ASTN1: variants seen among roughly 807,000 people sequenced by gnomAD.
ASTN1 encodes the protein astrotactin-1.
ASTN1 carries 41 observed loss-of-function variants against 140.7 expected under a neutral mutation model. The observed-to-expected ratio is 0.29, with a 90% CI of 0.23 to 0.38. ASTN1 has a LOEUF of 0.38. ASTN1 is among the 10% of genes least tolerant of loss of function. ASTN1 has a pLI of 1.00. For synonymous variants in ASTN1, 640 were observed against 652.2 expected (o/e 0.98, Z 0.29); for missense variants, 1,479 against 1,678.8 (o/e 0.88, Z 2.08).
At chr1:176,963,933 T>A (rs533322515) in intron 9 of ASTN1, among the ~76,000 whole-genome samples, 1 of 152,318 alleles carries the variant, frequency 6.6e-6, no homozygotes, top group East Asian at 1.9e-4. Context: ...GCCAACGCCA[T>A]TAGCTTCCCT....
downstream of ASTN1, chr1:176,861,047 C>G (rs1667943767): frequency 1.1e-6 from 1 of 941,924 alleles, no homozygotes; most frequent in Non-Finnish European, 1.3e-6. Context: ...TACTGAAAGA[C>G]ACAACATCCA....
intron 2 of ASTN1, among the ~76,000 whole-genome samples, chr1:177,038,964 CCAGTGGAATCCTTCTCAAAT>C (rs1366124256): frequency 6.6e-6 from 1 of 152,156 alleles, no homozygotes; most frequent in African/African-American, 2.4e-5. Flanking sequence ...CCCCCATGGA[CCAGTGGAATCCTTCTCAAAT>C]CAGTGTCACA....
intron 11 of ASTN1, among the ~76,000 whole-genome samples, chr1:176,953,408 T>C (rs1431723456): frequency 6.6e-6 from 1 of 152,260 alleles, no homozygotes; most frequent in Non-Finnish European, 1.5e-5. Flanking sequence ...AAATGGGTTC[T>C]CTTTTACTAA....
At chr1:177,112,154 T>G (rs1258239246) in intron 1 of ASTN1, among the ~76,000 whole-genome samples, 4 of 152,212 alleles carry the variant, frequency 2.6e-5, no homozygotes, top group African/African-American at 9.6e-5. Flanking sequence ...GCTTTTTCAG[T>G]GGAAACCAAC....
chr1:177,027,233 C>T (rs759065079), intron 5 of ASTN1, among the ~76,000 whole-genome samples: 5 of 152,100 alleles, frequency 3.3e-5, no homozygotes, highest in South Asian at 2.1e-4. Context: ...CCTCCAAGAA[C>T]AGATTCTCAC....
intron 8 of ASTN1, among the ~76,000 whole-genome samples, chr1:176,973,764 T>C (rs747213817): frequency 5.9e-5 from 9 of 152,210 alleles, no homozygotes; most frequent in African/African-American, 1.2e-4. Context: ...TGCCTGTCCA[T>C]GCCTATTATT....
chr1:177,081,241 A>C lies in ASTN1; in HGVS notation c.284-19976T>G, dbSNP rs1270278463. Among the ~76,000 whole-genome samples, 4 of 152,218 alleles carry C rather than the reference A, an allele frequency of 2.6e-5. No homozygotes were observed. In the East Asian group the frequency reaches 7.7e-4, roughly 29 times the overall value. ...TGCTTGACTTGATCACTGGTGGGCT[A>C]TGTGAACTTTCTTTTATTTGGTTAT... On this transcript the variant is annotated intron_variant, in intron 1 of 22. Coordinates refer to ENST00000361833, the MANE Select transcript of ASTN1 (RefSeq NM_004319.3).
At chr1:177,094,318 A>G (rs1558090674) in intron 1 of ASTN1, among the ~76,000 whole-genome samples, 1 of 152,226 alleles carries the variant, frequency 6.6e-6, no homozygotes, top group African/African-American at 2.4e-5. Flanking sequence ...CCTGACTCTT[A>G]AAAAGAAATA....
At chr1:177,156,390 A>G (rs1683238676) in intron 1 of ASTN1, among the ~76,000 whole-genome samples, 1 of 152,204 alleles carries the variant, frequency 6.6e-6, no homozygotes. Context: ...GACAGGAAGT[A>G]AAAAGGTGCT....
At chr1:176,984,620 TTTC>T in intron 8 of ASTN1, among the ~76,000 whole-genome samples, 1 of 152,298 alleles carries the variant, frequency 6.6e-6, no homozygotes, top group Admixed American at 6.5e-5. Context: ...AGTCCCCACA[TTTC>T]TTCTTCTAGG....
chr1:176,990,843 T>G (rs1674124619), intron 8 of ASTN1, among the ~76,000 whole-genome samples: 2 of 152,172 alleles, frequency 1.3e-5, no homozygotes, highest in African/African-American at 4.8e-5. Context: ...GCCTAAACGT[T>G]TCTTTCTTCT....
chr1:176,939,767 C>T (rs1307206696), intron 14 of ASTN1, among the ~76,000 whole-genome samples: 7 of 145,162 alleles, frequency 4.8e-5, no homozygotes, highest in African/African-American at 1.0e-4. Context: ...ACAGACTTTA[C>T]GGGCAATATT....
chr1:177,104,604 T>C (rs1014439359), intron 1 of ASTN1, among the ~76,000 whole-genome samples: 1 of 152,192 alleles, frequency 6.6e-6, no homozygotes, highest in African/African-American at 2.4e-5. Flanking sequence ...ATTTCAATAA[T>C]TAAAAAGTGT....
At chr1:176,981,615 C>T (rs1459401467) in intron 8 of ASTN1, 1 of 152,402 alleles carries the variant, frequency 6.6e-6, no homozygotes, top group Non-Finnish European at 1.5e-5. Flanking sequence ...ATGCCTGTAG[C>T]AATCAGAGCT....
intron 1 of ASTN1, among the ~76,000 whole-genome samples, chr1:177,107,986 G>T (rs1680632449): frequency 6.6e-6 from 1 of 152,078 alleles, no homozygotes; most frequent in African/African-American, 2.4e-5. Flanking sequence ...AACAGTTGAT[G>T]CTCCACAATG....
chr1:177,052,840 C>T (rs1404229678), intron 2 of ASTN1, among the ~76,000 whole-genome samples: 2 of 152,084 alleles, frequency 1.3e-5, no homozygotes, highest in Non-Finnish European at 2.9e-5. Context: ...AGAAACTGTC[C>T]AACTCTAATA....
In ASTN1 at chr1:177,014,792, C is replaced by T. The variant is rs1476797225; in HGVS notation, c.1522G>A (p.Gly508Arg). 6.2e-7 allele frequency: 1 copy of T among 1,612,916 alleles called. No homozygotes were observed. The highest frequency in any genetic ancestry group is 8.5e-7 in the Non-Finnish European group (1 of 1,179,150). ...CTAAGTCGTCATGCCCTCACTTACC[C>T]CTGGTTTGTCCCCCATTCGTTCCGA... The part of the protein sequence containing the change: ...CIRNEWGTNQ[G>R]PWPYTIFQRG... The change falls in exon 8 of 23, where the codon GGG becomes AGG. Residue 508 changes from glycine to arginine, a missense_variant and splice_region_variant. Physicochemically the swap from Gly to Arg is moderately radical, Grantham distance 125 (BLOSUM62 -2). Around this residue, in one of 3 missense-constraint regions of ASTN1, gnomAD observed 729 missense variants for 860.4 expected, o/e 0.85. Coordinates refer to ENST00000361833, the MANE Select transcript of ASTN1 (RefSeq NM_004319.3).
At chr1:176,991,686 C>T (rs1674184800) in intron 8 of ASTN1, among the ~76,000 whole-genome samples, 1 of 152,154 alleles carries the variant, frequency 6.6e-6, no homozygotes, top group Admixed American at 6.5e-5. Context: ...ATCTAATCTT[C>T]ATAATCCTGC....
chr1:177,107,672 C>T (rs1680617617), intron 1 of ASTN1, among the ~76,000 whole-genome samples: 1 of 152,168 alleles, frequency 6.6e-6, no homozygotes, highest in South Asian at 2.1e-4. Flanking sequence ...TCACCAGCTC[C>T]GGGTTCTAGT....
Sources: gnomAD v4.1 joint callset for allele counts (sites outside exome capture counted in the v4.1 genomes callset) on GRCh38, gnomAD v4.1.1 for gene constraint, gnomAD v4.1.1 regional missense constraint, MANE v1.5 for transcripts, NCBI Gene and HGNC (gene_info 2026-07-23, HGNC 2026-07-21) for gene names.